The following CHSY3 variants were observed in gnomAD, a reference collection of about 807,000 sequenced individuals.
The protein encoded by CHSY3 is N-acetylgalactosaminyl-proteoglycan 3-beta-glucuronosyltransferase 3.
Under a neutral mutation model 67.2 loss-of-function variants are expected in CHSY3, and 35 were observed. The ratio of observed to expected loss-of-function variants is 0.52; its 90% CI spans 0.40 to 0.69. The LOEUF (loss-of-function observed/expected upper bound fraction) is 0.69. Ranked by LOEUF, CHSY3 falls within the 30% of genes least tolerant of loss-of-function variation. The pLI is 0.00. For synonymous variants in CHSY3, 474 were observed against 434.7 expected (o/e 1.09, Z -1.12); for missense variants, 1,069 against 1,138.5 (o/e 0.94, Z 0.88).
intron 2 of CHSY3, among the ~76,000 whole-genome samples, chr5:130,143,619 T>C (rs1167216266): frequency 1.3e-5 from 2 of 150,718 alleles, no homozygotes; most frequent in East Asian, 3.9e-4. Context: ...TTGCATACTA[T>C]CACTACTATG....
intron 2 of CHSY3, chr5:130,140,223 C>G: frequency 3.7e-6 from 1 of 272,246 alleles, no homozygotes; most frequent in East Asian, 9.1e-5. Context: ...GAATCCCTAA[C>G]AACATGGTTT....
At position 129,905,308 on chromosome 5, in the gene CHSY3, G is replaced by C. The variant is rs535233532; in HGVS notation, c.479G>C (p.Gly160Ala). ...AGTAGCCACAACGGCAGCGGGGACG[G>C]GGGCGCTGCCGCCCCGAGCGCCCGA... ...PGSSHNGSGD[G>A]GAAAPSARPR... is the part of the protein sequence containing the mutation. The change falls in exon 1 of 3, where the codon GGG (glycine) becomes GCG (alanine). Residue 160 changes from glycine (G) to alanine (A), a missense_variant. Gly to Ala is a moderately conservative substitution (Grantham distance 60). Transcript: ENST00000305031. 81 of 1,504,120 alleles carry C rather than the reference G, an allele frequency of 5.4e-5. No homozygotes were observed. The Admixed American group carries it at 6.4e-4, about 12-fold the overall frequency. 93.2% of individuals were successfully genotyped at this position (1,504,120 alleles called of 1,614,324 possible).
At chr5:130,162,284 A>G (rs1032206715) in intron 2 of CHSY3, among the ~76,000 whole-genome samples, 2 of 152,088 alleles carry the variant, frequency 1.3e-5, no homozygotes, top group African/African-American at 2.4e-5. Flanking sequence ...ATATAAATAT[A>G]TTTTAATGTT....
chr5:130,164,474 T>C (rs1040885765), intron 2 of CHSY3, among the ~76,000 whole-genome samples: 6 of 152,294 alleles, frequency 3.9e-5, no homozygotes, highest in Non-Finnish European at 8.8e-5. Flanking sequence ...TGTTTCTTTG[T>C]TTTAGTATAT....
At chr5:129,922,284 C>T (rs982486713) in intron 2 of CHSY3, among the ~76,000 whole-genome samples, 16 of 152,162 alleles carry the variant, frequency 1.1e-4, no homozygotes, top group African/African-American at 3.6e-4. Flanking sequence ...TGGGTAATTC[C>T]GTAATAAACA....
chr5:129,989,375 C>T (rs558611052), intron 2 of CHSY3, among the ~76,000 whole-genome samples: 214 of 151,582 alleles, frequency 1.4e-3, no homozygotes, highest in Non-Finnish European at 2.2e-3. Context: ...GATTCTCCTG[C>T]CTCAGTCTCT....
At chr5:130,116,301 T>C (rs865819690) in intron 2 of CHSY3, among the ~76,000 whole-genome samples, 8 of 152,364 alleles carry the variant, frequency 5.3e-5, no homozygotes, top group Middle Eastern at 6.8e-3. Context: ...AATTGTAATG[T>C]TCACTCTTTG....
chr5:129,918,317 T>G (rs953589053), intron 2 of CHSY3, among the ~76,000 whole-genome samples: 1 of 152,238 alleles, frequency 6.6e-6, no homozygotes, highest in African/African-American at 2.4e-5. Context: ...AGAGTTCTTA[T>G]GAGTGGAATG....
At chr5:129,967,566 A>G (rs1021777131) in intron 2 of CHSY3, among the ~76,000 whole-genome samples, 2 of 151,880 alleles carry the variant, frequency 1.3e-5, no homozygotes, top group Non-Finnish European at 2.9e-5. Context: ...GTGAAAGCCA[A>G]ATGTGATCTG....
At chr5:129,924,972 A>G (rs1343249351) in intron 2 of CHSY3, among the ~76,000 whole-genome samples, 1 of 152,192 alleles carries the variant, frequency 6.6e-6, no homozygotes, top group African/African-American at 2.4e-5. Context: ...TGGAAAACAC[A>G]TACTTTGCTG....
intron 2 of CHSY3, among the ~76,000 whole-genome samples, chr5:130,181,641 C>T (rs185675590): frequency 2.0e-5 from 3 of 152,128 alleles, no homozygotes; most frequent in African/African-American, 7.2e-5. Flanking sequence ...ATATTAAATG[C>T]ACACATATGA....
intron 2 of CHSY3, among the ~76,000 whole-genome samples, chr5:130,042,440 A>G (rs1179471927): frequency 6.6e-6 from 1 of 152,160 alleles, no homozygotes; most frequent in Non-Finnish European, 1.5e-5. Flanking sequence ...CTTCTATTAT[A>G]ATTTTAAAAT....
intron 2 of CHSY3, among the ~76,000 whole-genome samples, chr5:129,999,480 A>G (rs984396011): frequency 1.3e-5 from 2 of 152,182 alleles, no homozygotes; most frequent in African/African-American, 4.8e-5. Context: ...GCAGTGGTGG[A>G]GTATTCCATC....
chr5:129,967,183 A>G (rs915184317), intron 2 of CHSY3, among the ~76,000 whole-genome samples: 1 of 151,862 alleles, frequency 6.6e-6, no homozygotes, highest in Non-Finnish European at 1.5e-5. Context: ...TAATATGCCC[A>G]TGCCACATTT....
intron 2 of CHSY3, chr5:129,974,769 C>G (rs1762748371): frequency 6.6e-6 from 1 of 152,104 alleles, no homozygotes; most frequent in South Asian, 2.1e-4. Flanking sequence ...TTTCAGGACA[C>G]CATAGAATGT....
intron 2 of CHSY3, among the ~76,000 whole-genome samples, chr5:130,061,637 A>G (rs931162842): frequency 3.9e-5 from 6 of 152,166 alleles, no homozygotes; most frequent in African/African-American, 1.4e-4. Context: ...ATAGGAGAAA[A>G]TATTTGCAAG....
chr5:130,139,266 T>C lies in CHSY3; in HGVS notation c.1087-44963T>C, dbSNP rs535880668. Among the ~76,000 whole-genome samples the C allele has an allele frequency of 4.6e-5, 7 of 152,252 alleles. No homozygotes were observed. In the East Asian group the frequency reaches 1.4e-3, roughly 29 times the overall value. ...CATCAATTCAGCCAAGGGTAGAAATTGATTGGCCCAAGGAGGTCCGTTTAG... is the reference window on the plus strand; with the variant it reads ...CATCAATTCAGCCAAGGGTAGAAATCGATTGGCCCAAGGAGGTCCGTTTAG... On this transcript the variant is annotated intron_variant, in intron 2 of 2. Transcript: ENST00000305031.
At chr5:130,132,554 G>A (rs1401999878) in intron 2 of CHSY3, among the ~76,000 whole-genome samples, 1 of 152,134 alleles carries the variant, frequency 6.6e-6, no homozygotes, top group African/African-American at 2.4e-5. Flanking sequence ...AATCTCAGTT[G>A]ATATAAGTAG....
At chr5:130,083,751 A>T (rs1766516089) in intron 2 of CHSY3, among the ~76,000 whole-genome samples, 1 of 152,024 alleles carries the variant, frequency 6.6e-6, no homozygotes, top group African/African-American at 2.4e-5. Context: ...ATACCAGAAA[A>T]CATTTTCATG....
Sources: allele counts gnomAD v4.1 joint callset (sites outside exome capture counted in the v4.1 genomes callset), GRCh38; gene constraint gnomAD v4.1.1; transcripts MANE v1.5; gene names NCBI Gene and HGNC (gene_info 2026-07-23, HGNC 2026-07-21).